CFAP418: variants seen among roughly 807,000 people sequenced by gnomAD.
CFAP418 encodes the protein cilia and flagella associated protein 418, also known as cilia- and flagella-associated protein 418.
In CFAP418, 27 loss-of-function variants were observed where a neutral mutation model predicts 24.7. The observed-to-expected ratio is 1.09, with a 90% CI of 0.81 to 1.51. The LOEUF is 1.51. Among genes scored for constraint, CFAP418 ranks in the 40% most tolerant of loss-of-function variants. The pLI is 0.00. For missense variants in CFAP418, 257 were observed against 255.2 expected (o/e 1.01, Z -0.05); for synonymous variants, 74 against 87.3 (o/e 0.85, Z 0.85).
intron 4 of CFAP418, among the ~76,000 whole-genome samples, chr8:95,258,381 CAAAAAAAAAAAA>C (rs61473559): frequency 2.0e-5 from 1 of 49,660 alleles, no homozygotes; most frequent in African/African-American, 8.0e-5. Context: ...GACTCTGTCT[CAAAAAAAAAAAA>C]AAAAAAAAAG....
chr8:95,268,386 G>A (rs533626669), intron 1 of CFAP418, among the ~76,000 whole-genome samples: 3 of 152,098 alleles, frequency 2.0e-5, no homozygotes, highest in African/African-American at 7.2e-5. Flanking sequence ...CGAGGTGGGA[G>A]GATCTTTGAA....
intron 5 of CFAP418, among the ~76,000 whole-genome samples, chr8:95,251,385 AGGGAATGGGAGCC>A (rs1239258561): frequency 6.6e-6 from 1 of 152,224 alleles, no homozygotes; most frequent in Non-Finnish European, 1.5e-5. Context: ...ACAAAGTCAG[AGGGAATGGGAGCC>A]TTGAGTACTC....
intron 3 of CFAP418, among the ~76,000 whole-genome samples, 196 bp downstream of exon 3, chr8:95,260,272 T>A (rs1811863774): frequency 6.6e-6 from 1 of 152,224 alleles, no homozygotes; most frequent in Non-Finnish European, 1.5e-5. Context: ...TAATCCCCCA[T>A]TTAATTTCCT....
Position 95,247,767 on chromosome 8 carries a change from G to T in CFAP418, c.474C>A (p.Asn158Lys), listed in dbSNP as rs889964226. The change falls in exon 6 of 6, where the codon AAC (asparagine) becomes AAA (lysine). Residue 158 changes from asparagine to lysine, a missense_variant. Coordinates refer to ENST00000286688, the MANE Select transcript of CFAP418 (RefSeq NM_177965.4). ...DKSCDYLFFR[N>K]NMPEFHKLKA... ...TTAATTTGTGAAATTCTGGCATGTT[G>T]TTCCTATTAGTAAAACAGGAAAGTT... 1.3e-6 allele frequency: 2 copies of T among 1,598,852 alleles called. No individual in the cohort carries two copies. Among genetic ancestry groups the T allele is most frequent in the East Asian group, 4.5e-5 (2 of 44,512 alleles).
chr8:95,260,356 A>G (rs1281736197), intron 3 of CFAP418, 112 bp downstream of exon 3: 2 of 767,328 alleles, frequency 2.6e-6, no homozygotes, highest in Non-Finnish European at 4.2e-6. Context: ...AGGCCAACCA[A>G]TGCTTTGTTG....
chr8:95,268,927 G>A lies in CFAP418; in HGVS notation c.155+108C>T, dbSNP rs772355228. 65 of 1,215,354 alleles carry A rather than the reference G, an allele frequency of 5.3e-5. No individual in the cohort carries two copies. In the South Asian group the frequency reaches 8.6e-4, roughly 16 times the overall value. 75.3% of individuals were successfully genotyped at this position (1,215,354 alleles called of 1,614,324 possible). On this transcript the variant is annotated intron_variant, in intron 1 of 5. Transcript: ENST00000286688. Reference sequence around the variant, plus strand: ...AGGGTCTGAACCCTGATGCAAGGAGGGGCTGGAGGTCGCGGGCACGTTTCT... The same window carrying A: ...AGGGTCTGAACCCTGATGCAAGGAGAGGCTGGAGGTCGCGGGCACGTTTCT...
chr8:95,250,540 G>A (rs1811690444), intron 5 of CFAP418, among the ~76,000 whole-genome samples: 1 of 152,140 alleles, frequency 6.6e-6, no homozygotes, highest in African/African-American at 2.4e-5. Flanking sequence ...AAAAATTCAT[G>A]CTTCATCTTG....
At chr8:95,251,772 C>A (rs1449373799) in intron 5 of CFAP418, among the ~76,000 whole-genome samples, 1 of 152,050 alleles carries the variant, frequency 6.6e-6, no homozygotes, top group Non-Finnish European at 1.5e-5. Context: ...TTAGGCAATT[C>A]CATCATTGTG....
At chr8:95,253,850 C>T (rs895160467) in intron 4 of CFAP418, among the ~76,000 whole-genome samples, 1 of 152,202 alleles carries the variant, frequency 6.6e-6, no homozygotes, top group South Asian at 2.1e-4. Context: ...CATGATTGCA[C>T]AGAGTGTTAA....
At chr8:95,260,907 C>T (rs912252214) in intron 2 of CFAP418, among the ~76,000 whole-genome samples, 1 of 152,070 alleles carries the variant, frequency 6.6e-6, no homozygotes, top group African/African-American at 2.4e-5. Context: ...AGGAAAAAAA[C>T]CTCAGACTCA....
intron 1 of CFAP418, among the ~76,000 whole-genome samples, chr8:95,266,149 G>A (rs1811976137): frequency 6.6e-6 from 1 of 152,158 alleles, no homozygotes; most frequent in Non-Finnish European, 1.5e-5. Context: ...ATTCACGCAT[G>A]GGATTGTGAA....
At chr8:95,260,383 T>C in intron 3 of CFAP418, 85 bp downstream of exon 3, 1 of 1,028,922 alleles carries the variant, frequency 9.7e-7, no homozygotes, top group Non-Finnish European at 1.4e-6. Flanking sequence ...GTCACTGCTG[T>C]TTAAATGGTA....
At chr8:95,258,091 T>C (rs111444258) in intron 4 of CFAP418, among the ~76,000 whole-genome samples, 4,335 of 151,658 alleles carry the variant, frequency 0.029, 198 homozygotes, top group African/African-American at 0.097. Flanking sequence ...GTTTAAAAAG[T>C]GAAAAACAGA....
intron 3 of CFAP418, among the ~76,000 whole-genome samples, chr8:95,260,157 A>G (rs1434417555): frequency 2.0e-5 from 3 of 152,228 alleles, no homozygotes; most frequent in Non-Finnish European, 2.9e-5. Context: ...GTGTTTGCCA[A>G]ATAATGTAAG....
intron 5 of CFAP418, among the ~76,000 whole-genome samples, chr8:95,250,098 G>C (rs1485588717): frequency 6.6e-6 from 1 of 152,170 alleles, no homozygotes; most frequent in East Asian, 1.9e-4. Flanking sequence ...GTATCTAAGA[G>C]TGTCATAGAC....
intron 4 of CFAP418, among the ~76,000 whole-genome samples, chr8:95,252,563 A>G (rs73695438): frequency 0.023 from 3,487 of 152,358 alleles, 63 homozygotes; most frequent in African/African-American, 0.025. Flanking sequence ...AGATTTGTAG[A>G]TCTTTTAATT....
intron 1 of CFAP418, among the ~76,000 whole-genome samples, chr8:95,267,444 A>G (rs1259213221): frequency 6.6e-6 from 1 of 152,158 alleles, no homozygotes; most frequent in Non-Finnish European, 1.5e-5. Flanking sequence ...TACCAGAAAT[A>G]CAAAAAATTA....
intron 3 of CFAP418, 79 bp downstream of exon 3, chr8:95,260,389 T>A: frequency 9.3e-7 from 1 of 1,077,598 alleles, no homozygotes; most frequent in Non-Finnish European, 1.3e-6. Context: ...GCTGTTTAAA[T>A]GGTAACAAAA....
chr8:95,268,300 C>T (rs541491222), intron 1 of CFAP418, among the ~76,000 whole-genome samples: 17 of 152,070 alleles, frequency 1.1e-4, no homozygotes, highest in African/African-American at 4.1e-4. Context: ...ACAAATTAAC[C>T]GGGCTCGTGC....
Sources: gnomAD v4.1 joint callset for allele counts (sites outside exome capture counted in the v4.1 genomes callset) on GRCh38, gnomAD v4.1.1 for gene constraint, MANE v1.5 for transcripts, NCBI Gene and HGNC (gene_info 2026-07-23, HGNC 2026-07-21) for gene names.